CACNA2D1: variants seen among roughly 807,000 people sequenced by gnomAD.
CACNA2D1 encodes voltage-dependent calcium channel subunit alpha-2/delta-1.
Under a neutral mutation model 171.5 loss-of-function variants are expected in CACNA2D1, and 53 were observed. The observed-to-expected ratio is 0.31, with a 90% CI of 0.25 to 0.39. CACNA2D1 has a LOEUF of 0.39. CACNA2D1 is among the 10% of genes least tolerant of loss of function. The pLI is 1.00. For synonymous variants in CACNA2D1, 442 were observed against 443.1 expected, an observed-to-expected ratio of 1.00 and a Z score of 0.03; for missense variants, 903 against 1,299.8, an observed-to-expected ratio of 0.69 and a Z score of 4.69.
At chr7:82,007,514 CT>C (rs1413924753) in intron 16 of CACNA2D1, 164 bp downstream of exon 16, 8 of 571,466 alleles carry the variant, frequency 1.4e-5, no homozygotes, top group Non-Finnish European at 2.2e-5. Context: ...CCTGCATTTC[CT>C]TTTTCCCAGG....
intron 3 of CACNA2D1, among the ~76,000 whole-genome samples, chr7:82,210,499 G>T (rs1039571739): frequency 5.9e-5 from 9 of 152,124 alleles, no homozygotes; most frequent in Admixed American, 5.2e-4. Context: ...GCAGTAAGGG[G>T]TCATATGAGC....
At chr7:82,294,459 T>C (rs1046937134) in intron 3 of CACNA2D1, among the ~76,000 whole-genome samples, 6 of 123,332 alleles carry the variant, frequency 4.9e-5, no homozygotes, top group African/African-American at 2.9e-4. Context: ...TTTACTATAA[T>C]TAAGTTTTCT....
intron 3 of CACNA2D1, among the ~76,000 whole-genome samples, chr7:82,186,189 AAGGG>A (rs539998713): frequency 0.027 from 2,765 of 102,390 alleles, 82 homozygotes; most frequent in African/African-American, 0.066. Flanking sequence ...GGAAGGAAGG[AAGGG>A]AGGGAGGGAG....
chr7:82,027,170 C>G (rs1356170167), intron 12 of CACNA2D1, among the ~76,000 whole-genome samples: 2 of 151,496 alleles, frequency 1.3e-5, no homozygotes, highest in African/African-American at 4.8e-5. Context: ...AATAATGGTA[C>G]ATTTAAAAAT....
At chr7:82,027,673 C>T (rs1802105887) in intron 12 of CACNA2D1, 1 of 151,694 alleles carries the variant, frequency 6.6e-6, no homozygotes, top group South Asian at 2.1e-4. Context: ...TTTGTGGCAA[C>T]CCTGTATCAA....
chr7:82,177,435 G>A (rs1166151144), intron 3 of CACNA2D1, among the ~76,000 whole-genome samples: 3 of 151,972 alleles, frequency 2.0e-5, no homozygotes, highest in African/African-American at 7.3e-5. Context: ...AGTTTCATGA[G>A]GAATGATTTA....
chr7:82,015,038 G>A lies in CACNA2D1; in HGVS notation c.1144-559C>T, dbSNP rs183003596. ...TTGCACTCCAGCTTGGGCAACAAGA[G>A]CGAAACTCCATTTCAAAAAAAGAAA... On this transcript the variant is annotated intron_variant, in intron 12 of 38. Transcript: ENST00000356860. Among the ~76,000 whole-genome samples, 195 of 151,992 alleles carry A rather than the reference G, an allele frequency of 1.3e-3. No individual in the cohort carries two copies. In the Middle Eastern group the frequency reaches 0.021, roughly 16 times the overall value.
chr7:82,338,074 T>C (rs1220021950), intron 2 of CACNA2D1, among the ~76,000 whole-genome samples: 1 of 152,226 alleles, frequency 6.6e-6, no homozygotes, highest in Non-Finnish European at 1.5e-5. Flanking sequence ...GCTAATCAGC[T>C]ATGTTAACAT....
intron 5 of CACNA2D1, among the ~76,000 whole-genome samples, chr7:82,122,308 A>G (rs1789835525): frequency 6.6e-6 from 1 of 152,230 alleles, no homozygotes; most frequent in East Asian, 1.9e-4. Context: ...CAAAATTGAC[A>G]TTCTTCAAAT....
At chr7:82,164,462 G>T (rs896446441) in intron 4 of CACNA2D1, among the ~76,000 whole-genome samples, 20 of 151,946 alleles carry the variant, frequency 1.3e-4, no homozygotes, top group African/African-American at 4.3e-4. Flanking sequence ...TCAAAAATAT[G>T]AAGAAATTGG....
At chr7:81,984,812 C>T in intron 21 of CACNA2D1, 101 bp from the exon 22 acceptor site, 1 of 719,692 alleles carries the variant, frequency 1.4e-6, no homozygotes. Flanking sequence ...AAAGATCTTC[C>T]TCATGGGAAG....
intron 3 of CACNA2D1, among the ~76,000 whole-genome samples, chr7:82,203,193 T>C (rs1273675901): frequency 1.3e-5 from 2 of 152,126 alleles, no homozygotes; most frequent in Non-Finnish European, 2.9e-5. Flanking sequence ...ACAATCGACT[T>C]GTACCCCACC....
intron 1 of CACNA2D1, among the ~76,000 whole-genome samples, chr7:82,359,411 C>T (rs948404342): frequency 3.3e-5 from 5 of 152,082 alleles, no homozygotes; most frequent in African/African-American, 1.2e-4. Flanking sequence ...ATTTCCAATA[C>T]TATAAAATCC....
chr7:82,208,742 G>A (rs1233593845), intron 3 of CACNA2D1, among the ~76,000 whole-genome samples: 1 of 152,040 alleles, frequency 6.6e-6, no homozygotes, highest in Non-Finnish European at 1.5e-5. Flanking sequence ...TTTTAGTATG[G>A]AGGAATAAGT....
chr7:82,413,354 T>C (rs1360220518), intron 1 of CACNA2D1, among the ~76,000 whole-genome samples: 2 of 152,214 alleles, frequency 1.3e-5, no homozygotes, highest in Non-Finnish European at 2.9e-5. Flanking sequence ...CAAAGAATTG[T>C]TGTGTCTGCA....
intron 3 of CACNA2D1, among the ~76,000 whole-genome samples, chr7:82,309,516 G>A (rs1298361121): frequency 2.0e-5 from 3 of 152,052 alleles, no homozygotes; most frequent in African/African-American, 7.3e-5. Flanking sequence ...AGGTGTCTGA[G>A]CTACAATTTT....
At chr7:82,386,546 A>T (rs928609505) in intron 1 of CACNA2D1, among the ~76,000 whole-genome samples, 11 of 152,058 alleles carry the variant, frequency 7.2e-5, no homozygotes, top group Non-Finnish European at 5.9e-5. Context: ...CAGCCTGACC[A>T]ACATGGAGAA....
intron 3 of CACNA2D1, among the ~76,000 whole-genome samples, chr7:82,213,951 A>T (rs970426494): frequency 6.6e-5 from 10 of 152,194 alleles, no homozygotes; most frequent in African/African-American, 2.2e-4. Flanking sequence ...GAAGTCCAAG[A>T]TCAATGCACC....
intron 3 of CACNA2D1, among the ~76,000 whole-genome samples, chr7:82,225,322 C>G (rs1422790702): frequency 6.6e-6 from 1 of 152,140 alleles, no homozygotes; most frequent in Non-Finnish European, 1.5e-5. Flanking sequence ...CTCTGTACTT[C>G]AAAAGACTTA....
Sources: allele counts gnomAD v4.1 joint callset (sites outside exome capture counted in the v4.1 genomes callset), GRCh38; gene constraint gnomAD v4.1.1; transcripts MANE v1.5; gene names NCBI Gene and HGNC (gene_info 2026-07-23, HGNC 2026-07-21).